The following TP53BP1 variants were observed in gnomAD, a reference collection of about 807,000 sequenced individuals.
The protein encoded by TP53BP1 is tumor protein p53 binding protein 1, also known as TP53-binding protein 1.
In TP53BP1, 61 loss-of-function variants were observed where a neutral mutation model predicts 200.8. The ratio of observed to expected loss-of-function variants is 0.30; its 90% confidence interval spans 0.25 to 0.38. The LOEUF is 0.38. Ranked by LOEUF, TP53BP1 falls within the 10% of genes least tolerant of loss-of-function variation. The pLI is 1.00. For missense variants in TP53BP1, 2,144 were observed against 2,371.9 expected, an observed-to-expected ratio of 0.90 and a Z score of 2.00; for synonymous variants, 822 against 844.3, an observed-to-expected ratio of 0.97 and a Z score of 0.46.
At chr15:43,474,383 C>T (rs569791442) in intron 10 of TP53BP1, among the ~76,000 whole-genome samples, 2 of 144,408 alleles carry the variant, frequency 1.4e-5, no homozygotes, top group Non-Finnish European at 3.0e-5. Context: ...GGAGCCCAGG[C>T]AGAGGAGGCG....
At chr15:43,476,739 C>G (rs1279289745) in intron 8 of TP53BP1, among the ~76,000 whole-genome samples, 1 of 152,194 alleles carries the variant, frequency 6.6e-6, no homozygotes, top group African/African-American at 2.4e-5. Context: ...TCCCTTCCCG[C>G]CTTACAACCA....
intron 4 of TP53BP1, 56 bp from the exon 5 acceptor site, chr15:43,481,078 C>G (rs1312556294): frequency 4.4e-6 from 7 of 1,607,712 alleles, no homozygotes; most frequent in South Asian, 1.1e-5. Context: ...ACACTTTAAT[C>G]AGAGCACTCT....
Position 43,403,800 on chromosome 15 carries a change from G to T in TP53BP1, c.*3583C>A. On this transcript the variant is annotated 3_prime_UTR_variant, in exon 28 of 28. Coordinates refer to ENST00000382044, the MANE Select transcript of TP53BP1 (RefSeq NM_001141980.3). ...CGCCCAGCTGAGCATTCTCGTGAAG[G>T]TGCGTCTGCCTGGAAGTATGCAGCC... 1 of 1,611,296 alleles carries T rather than the reference G, an allele frequency of 6.2e-7. No homozygotes were observed. Among genetic ancestry groups the T allele is most frequent in the Non-Finnish European group, 8.5e-7 (1 of 1,177,474 alleles).
chr15:43,417,905 A>G (rs987859984), intron 21 of TP53BP1, among the ~76,000 whole-genome samples: 2 of 152,170 alleles, frequency 1.3e-5, no homozygotes, highest in Admixed American at 1.3e-4. Context: ...TCCAGCCGGG[A>G]GCAGTGGCTC....
intron 21 of TP53BP1, chr15:43,416,618 C>T: frequency 2.4e-6 from 1 of 420,242 alleles, no homozygotes; most frequent in Non-Finnish European, 4.2e-6. Context: ...GGGATTAGGA[C>T]AAGGAAAGTT....
chr15:43,489,219 TCTC>T (rs1212685265), intron 4 of TP53BP1, among the ~76,000 whole-genome samples: 8 of 152,238 alleles, frequency 5.3e-5, no homozygotes, highest in Admixed American at 5.2e-4. Context: ...AACATCTGTC[TCTC>T]CTATTAAATT....
Position 43,475,492 on chromosome 15 carries a change from A to G in TP53BP1, c.1085+73T>C, listed in dbSNP as rs1351895538. On this transcript the variant is annotated intron_variant, in intron 9 of 27. Transcript: ENST00000382044. ...GAATTCTAGACTAGCAGATAAGTTTAGCCTCTTTCAGCCTTAGCCTAAGAC... is the reference window on the plus strand; with the variant it reads ...GAATTCTAGACTAGCAGATAAGTTTGGCCTCTTTCAGCCTTAGCCTAAGAC... 3.9e-6 allele frequency: 6 copies of G among 1,544,552 alleles called. No homozygotes were observed. The African/African-American group carries it at 6.9e-5, about 18-fold the overall frequency.
intron 18 of TP53BP1, among the ~76,000 whole-genome samples, chr15:43,425,914 A>T (rs1384451889): frequency 1.3e-5 from 2 of 151,968 alleles, no homozygotes; most frequent in East Asian, 3.9e-4. Flanking sequence ...AAATACAAAA[A>T]ATTAGCCGGG....
intron 12 of TP53BP1, 35 bp from the exon 13 acceptor site, chr15:43,447,520 GA>G (rs1024015015): frequency 7.2e-7 from 1 of 1,385,838 alleles, no homozygotes; most frequent in Non-Finnish European, 9.5e-7. Flanking sequence ...AAGAAAGAAA[GA>G]AAAAATGATT....
intron 11 of TP53BP1, among the ~76,000 whole-genome samples, chr15:43,461,373 C>A (rs758332634): frequency 6.6e-6 from 1 of 151,958 alleles, no homozygotes; most frequent in Non-Finnish European, 1.5e-5. Flanking sequence ...GCACACACCA[C>A]CACACCTAAT....
intron 12 of TP53BP1, among the ~76,000 whole-genome samples, chr15:43,449,515 G>A (rs973758427): frequency 2.6e-5 from 4 of 152,156 alleles, no homozygotes; most frequent in Admixed American, 1.3e-4. Context: ...AGTAATTTTA[G>A]CACCATTTAT....
At position 43,405,387 on chromosome 15, in the gene TP53BP1, C is replaced by A; in HGVS notation, c.*1996G>T. 1.5e-6 allele frequency: 1 copy of A among 676,622 alleles called. No homozygotes were observed. The highest frequency in any genetic ancestry group is 2.6e-6 in the Non-Finnish European group (1 of 390,414). 41.9% of individuals were successfully genotyped at this position (676,622 alleles called of 1,614,324 possible). Reference sequence around the variant, plus strand: ...ATCCAGGAGTACAACTCCTTCCCATCATTCCCATGTGGAAGGGTCTCTCCC... The same window carrying A: ...ATCCAGGAGTACAACTCCTTCCCATAATTCCCATGTGGAAGGGTCTCTCCC... On this transcript the variant is annotated 3_prime_UTR_variant, in exon 28 of 28. Transcript: ENST00000382044.
At position 43,456,544 on chromosome 15, in the gene TP53BP1, A is replaced by G. The variant is rs1347523661; in HGVS notation, c.2064T>C (p.Asn688=). The change falls in exon 12 of 28, where the codon AAT becomes AAC. Residue 688 remains asparagine, a synonymous_variant. Transcript: ENST00000382044. ...AAAGGTGCAACGGAACACTCTCCAT[A>G]TTTTCTTCTTTGAGTTCCTCTCCTT... ...ESQGEELKEE[N]MESVPLHLSL... is the part of the protein sequence containing the mutation. 1 of 1,611,724 alleles carries G rather than the reference A, an allele frequency of 6.2e-7. No individual in the cohort carries two copies. Among genetic ancestry groups the G allele is most frequent in the African/African-American group, 1.3e-5 (1 of 74,656 alleles).
Position 43,492,047 on chromosome 15 carries a change from C to A in TP53BP1, c.241G>T (p.Gly81Cys). 1.9e-6 allele frequency: 3 copies of A among 1,614,052 alleles called. No homozygotes were observed. Among genetic ancestry groups the A allele is most frequent in the Non-Finnish European group, 2.5e-6 (3 of 1,179,938 alleles). Residue 81 changes from glycine to cysteine, a missense_variant, in exon 3 of 28, where the codon GGT becomes TGT. By Grantham distance (159) the Gly-to-Cys change is radical (BLOSUM62 -3). Coordinates refer to ENST00000382044, the MANE Select transcript of TP53BP1 (RefSeq NM_001141980.3). ...EQTAGEERGD[G>C]NSGFNEHLKE... Reference sequence around the variant, plus strand: ...AAATGTTCATTGAACCCACTATTACCGTCTCCTCGTTCTTCTCCAGCTGTT... The same window carrying A: ...AAATGTTCATTGAACCCACTATTACAGTCTCCTCGTTCTTCTCCAGCTGTT...
At chr15:43,488,538 A>C (rs2079077629) in intron 4 of TP53BP1, among the ~76,000 whole-genome samples, 1 of 152,156 alleles carries the variant, frequency 6.6e-6, no homozygotes, top group Non-Finnish European at 1.5e-5. Flanking sequence ...ACTATGTAAA[A>C]CTTAATACAC....
chr15:43,431,408 T>C (rs2045667761), intron 17 of TP53BP1, among the ~76,000 whole-genome samples: 1 of 152,108 alleles, frequency 6.6e-6, no homozygotes, highest in African/African-American at 2.4e-5. Context: ...CTTCTTTTCA[T>C]CTACTCAATT....
chr15:43,445,051 C>G (rs1473153324), intron 14 of TP53BP1, among the ~76,000 whole-genome samples: 2 of 152,156 alleles, frequency 1.3e-5, no homozygotes, highest in South Asian at 4.1e-4. Context: ...TGTAAACTTG[C>G]TCAGGCCTCT....
intron 15 of TP53BP1, among the ~76,000 whole-genome samples, chr15:43,440,994 C>T (rs942141409): frequency 6.6e-6 from 1 of 152,230 alleles, no homozygotes; most frequent in African/African-American, 2.4e-5. Context: ...TGTATTCTCA[C>T]AGCCACCAGA....
intron 11 of TP53BP1, among the ~76,000 whole-genome samples, chr15:43,463,190 T>C (rs1364716529): frequency 6.6e-6 from 1 of 152,228 alleles, no homozygotes; most frequent in East Asian, 1.9e-4. Context: ...TTAATACATA[T>C]ATCAAGAATG....
Sources: allele counts gnomAD v4.1 joint callset (sites outside exome capture counted in the v4.1 genomes callset), GRCh38; gene constraint gnomAD v4.1.1; transcripts MANE v1.5; gene names NCBI Gene and HGNC (gene_info 2026-07-23, HGNC 2026-07-21).